Variants in PARD3B observed in about 807,000 individuals in gnomAD.
PARD3B encodes partitioning defective 3 homolog B.
A neutral mutation model predicts 130.2 loss-of-function variants in PARD3B; 103 were observed. That is an observed-to-expected ratio of 0.79 (90% CI 0.67 to 0.93). The LOEUF (loss-of-function observed/expected upper bound fraction) is 0.93, where lower values mean the gene tolerates loss of function less well. PARD3B is among the 40% of genes least tolerant of loss of function. The pLI, the probability that PARD3B is intolerant of heterozygous loss-of-function variation, is 0.00. For missense variants in PARD3B, 1,609 were observed against 1,499.2 expected (o/e 1.07, Z -1.21); for synonymous variants, 583 against 553.2 (o/e 1.05, Z -0.76).
chr2:205,459,852 C>G (rs2048391439), intron 20 of PARD3B, among the ~76,000 whole-genome samples: 1 of 152,196 alleles, frequency 6.6e-6, no homozygotes, highest in African/African-American at 2.4e-5. Flanking sequence ...TGGTCAACTT[C>G]AGACCTTTGT....
intron 22 of PARD3B, among the ~76,000 whole-genome samples, chr2:205,578,809 C>T (rs2053859345): frequency 6.6e-6 from 1 of 152,142 alleles, no homozygotes; most frequent in Non-Finnish European, 1.5e-5. Context: ...CTTACTTTTT[C>T]TGTTTTTTAA....
At chr2:205,515,518 T>C (rs1249427025) in intron 21 of PARD3B, among the ~76,000 whole-genome samples, 3 of 140,548 alleles carry the variant, frequency 2.1e-5, no homozygotes, top group Non-Finnish European at 4.6e-5. Context: ...TACTTTTTTA[T>C]TTTTTAATAA....
chr2:205,053,216 T>C (rs2125428692), intron 4 of PARD3B, among the ~76,000 whole-genome samples: 1 of 152,230 alleles, frequency 6.6e-6, no homozygotes, highest in East Asian at 1.9e-4. Flanking sequence ...GTATTAAACT[T>C]CCTCAGACCC....
chr2:204,684,008 C>T (rs2036961467), intron 1 of PARD3B, among the ~76,000 whole-genome samples: 1 of 152,164 alleles, frequency 6.6e-6, no homozygotes, highest in Admixed American at 6.5e-5. Context: ...GCGGCAACCC[C>T]ATCTTGCTGC....
chr2:205,550,362 G>C lies in PARD3B; in HGVS notation c.3181-2962G>C, dbSNP rs908771456. Among the ~76,000 whole-genome samples the C allele has an allele frequency of 2.0e-5, 3 of 152,170 alleles. No homozygotes were observed. Among genetic ancestry groups the C allele is most frequent in the Non-Finnish European group, 4.4e-5 (3 of 68,034 alleles). The stretch of plus-strand genomic sequence containing the variant: ...GTTTGCAGGCCTGTTTCCATGAGGA[G>C]ACCCGCTGGATTTCTTCATTGCTTT... On this transcript the variant is annotated intron_variant, in intron 21 of 22. Transcript: ENST00000406610. This position sits in a 1 kb window ranked among gnomAD's most constrained non-coding sequence, Gnocchi z 4.5.
chr2:205,217,057 G>A (rs528694907), intron 15 of PARD3B, among the ~76,000 whole-genome samples: 72 of 152,076 alleles, frequency 4.7e-4, no homozygotes, highest in African/African-American at 1.7e-3. Context: ...AAAAGGGTAC[G>A]CCAACATTCT....
intron 22 of PARD3B, among the ~76,000 whole-genome samples, chr2:205,561,275 T>A (rs2053125073): frequency 6.6e-6 from 1 of 152,182 alleles, no homozygotes; most frequent in Non-Finnish European, 1.5e-5. Flanking sequence ...GCTCACTAAG[T>A]CACTGGCGGT....
At chr2:205,471,306 T>C (rs1336362401) in intron 20 of PARD3B, among the ~76,000 whole-genome samples, 3 of 151,806 alleles carry the variant, frequency 2.0e-5, no homozygotes, top group Non-Finnish European at 4.4e-5. Flanking sequence ...TTAAGTTAAA[T>C]GCATTGGCTT....
At chr2:204,946,087 C>G (rs1689300283) in intron 2 of PARD3B, among the ~76,000 whole-genome samples, 1 of 152,196 alleles carries the variant, frequency 6.6e-6, no homozygotes, top group South Asian at 2.1e-4. Context: ...TTTCCTCTTG[C>G]TTTTCTGGCC....
At chr2:205,034,161 A>G (rs1697632308) in intron 3 of PARD3B, among the ~76,000 whole-genome samples, 1 of 152,148 alleles carries the variant, frequency 6.6e-6, no homozygotes, top group Non-Finnish European at 1.5e-5. Flanking sequence ...TTCATACTCT[A>G]AAGATTACTT....
chr2:204,905,822 C>CG (rs890384010), intron 2 of PARD3B, among the ~76,000 whole-genome samples: 2 of 152,014 alleles, frequency 1.3e-5, no homozygotes, highest in Non-Finnish European at 2.9e-5. Flanking sequence ...AAGGGTTAGT[C>CG]GGGGGAAAAT....
intron 1 of PARD3B, among the ~76,000 whole-genome samples, chr2:204,683,318 T>C (rs957366954): frequency 1.3e-5 from 2 of 152,172 alleles, no homozygotes; most frequent in Non-Finnish European, 2.9e-5. Flanking sequence ...GTCATAATCA[T>C]AAAAATATAG....
chr2:205,513,962 G>A (rs1384191100), intron 21 of PARD3B, among the ~76,000 whole-genome samples: 1 of 151,962 alleles, frequency 6.6e-6, no homozygotes, highest in Non-Finnish European at 1.5e-5. Context: ...CTGCATTTAG[G>A]GCTGTCTGTC....
intron 18 of PARD3B, among the ~76,000 whole-genome samples, chr2:205,319,110 A>T (rs776910259): frequency 6.6e-6 from 1 of 152,168 alleles, no homozygotes; most frequent in Non-Finnish European, 1.5e-5. Context: ...GATTTTCAAT[A>T]GCCTCTCCCG....
chr2:205,436,680 CA>C (rs2047528569), intron 19 of PARD3B, among the ~76,000 whole-genome samples: 1 of 151,972 alleles, frequency 6.6e-6, no homozygotes, highest in South Asian at 2.1e-4. Flanking sequence ...CATGATCTCT[CA>C]AAATACCCTT....
At position 205,331,792 on chromosome 2, in the gene PARD3B, A is replaced by AAAAAAAAG. The variant is rs1397251401; in HGVS notation, c.2630+30098_2630+30099insGAAAAAAA. 3.8e-4 allele frequency among the ~76,000 whole-genome samples: 57 copies of AAAAAAAAG among 148,780 alleles called. 1 individual carries two copies. The highest frequency in any genetic ancestry group is 1.4e-3 in the African/African-American group (56 of 39,828). ...AGTGAGACTCCGTCTCAAAAAAAAA[A>AAAAAAAAG]AAAAAAAAAAAAAGAAGTAGAGCAT... On this transcript the variant is annotated intron_variant, in intron 18 of 22. Coordinates refer to ENST00000406610, the MANE Select transcript of PARD3B (RefSeq NM_001302769.2).
rs1559210061 is a variant in PARD3B, at chr2:205,553,344, T to C, written c.3201T>C (p.Asp1067=). Residue 1067 remains aspartate (D), a synonymous_variant, in exon 22 of 23, where the codon GAT becomes GAC. Transcript: ENST00000406610. ...CACAGGTGCCTGGAAGGGGTCCAGA[T>C]GGGAATGCACACAACCTCCGCTTTG... ...DLLWVPGRGP[D]GNAHNLRFEG... is the part of the protein sequence containing the mutation. 3 of 1,614,044 alleles carry C rather than the reference T, an allele frequency of 1.9e-6. No homozygotes were observed. The highest frequency in any genetic ancestry group is 1.7e-6 in the Non-Finnish European group (2 of 1,179,920).
intron 20 of PARD3B, among the ~76,000 whole-genome samples, chr2:205,482,971 C>A (rs576178585): frequency 6.6e-6 from 1 of 151,954 alleles, no homozygotes; most frequent in Non-Finnish European, 1.5e-5. Context: ...CTGTGAGCGG[C>A]TGAATTCCAG....
At chr2:205,090,286 T>C (rs1702026535) in intron 4 of PARD3B, among the ~76,000 whole-genome samples, 2 of 152,192 alleles carry the variant, frequency 1.3e-5, no homozygotes, top group Non-Finnish European at 2.9e-5. Flanking sequence ...AAGGGAAGGT[T>C]TGATTAAAAA....
Sources: allele counts gnomAD v4.1 joint callset (sites outside exome capture counted in the v4.1 genomes callset), GRCh38; gene constraint gnomAD v4.1.1; non-coding constraint Gnocchi (gnomAD v3.1); transcripts MANE v1.5; gene names NCBI Gene and HGNC (gene_info 2026-07-23, HGNC 2026-07-21).